Variants in CDH4 observed in about 807,000 individuals in gnomAD.
CDH4 encodes the protein cadherin 4.
In CDH4, 33 loss-of-function variants were observed where a neutral mutation model predicts 86.0. The observed-to-expected ratio is 0.38, with a 90% CI of 0.29 to 0.51. The LOEUF is 0.51. Ranked by LOEUF, CDH4 falls within the 20% of genes least tolerant of loss-of-function variation. The pLI is 0.86. For synonymous variants in CDH4, 555 were observed against 549.4 expected (o/e 1.01, Z -0.14); for missense variants, 1,114 against 1,307.4 (o/e 0.85, Z 2.28).
chr20:61,286,194 A>G (rs984571081), intron 2 of CDH4, among the ~76,000 whole-genome samples: 3 of 151,908 alleles, frequency 2.0e-5, no homozygotes, highest in Non-Finnish European at 4.4e-5. Flanking sequence ...TGCAACCCAG[A>G]CTCCCAGATC....
chr20:61,537,634 C>T (rs1238768787), intron 2 of CDH4, among the ~76,000 whole-genome samples: 2 of 152,212 alleles, frequency 1.3e-5, no homozygotes, highest in Non-Finnish European at 2.9e-5. Context: ...GCGGGCTTCG[C>T]GGACAGGCAC....
At chr20:61,694,315 T>A (rs1326034132) in intron 2 of CDH4, among the ~76,000 whole-genome samples, 3 of 152,116 alleles carry the variant, frequency 2.0e-5, no homozygotes, top group Non-Finnish European at 4.4e-5. Context: ...TTCTACTCCC[T>A]CCTTTACGGA....
intron 4 of CDH4, among the ~76,000 whole-genome samples, chr20:61,834,520 A>T (rs1359220205): frequency 6.6e-6 from 1 of 152,196 alleles, no homozygotes; most frequent in Non-Finnish European, 1.5e-5. Context: ...CTGTTAGAGG[A>T]AAGTAGACGC....
At position 61,743,647 on chromosome 20, in the gene CDH4, T is replaced by G; in HGVS notation, c.254T>G (p.Val85Gly). Residue 85 changes from valine (V) to glycine (G), a missense_variant, in exon 3 of 16, where the codon GTC becomes GGC. Physicochemically the swap from Val to Gly is moderately radical, Grantham distance 109 (BLOSUM62 -3). Coordinates refer to ENST00000614565, the MANE Select transcript of CDH4 (RefSeq NM_001794.5). ...TTCAAAGTTGGGGCAGATGGGACAG[T>G]CTTCGCCACCCGGGAGCTGCAGGTC... The part of the protein sequence containing the change: ...MDFKVGADGT[V>G]FATRELQVPS... 6.3e-7 allele frequency: 1 copy of G among 1,595,526 alleles called. No homozygotes were observed. The highest frequency in any genetic ancestry group is 1.1e-5 in the South Asian group (1 of 87,926).
chr20:61,424,363 T>C (rs1198559676), intron 2 of CDH4, among the ~76,000 whole-genome samples: 4 of 146,236 alleles, frequency 2.7e-5, no homozygotes, highest in African/African-American at 1.0e-4. Context: ...TCCACACACA[T>C]ATCCACAAAC....
At chr20:61,640,480 G>A (rs555384622) in intron 2 of CDH4, among the ~76,000 whole-genome samples, 1 of 152,206 alleles carries the variant, frequency 6.6e-6, no homozygotes, top group South Asian at 2.1e-4. Context: ...GGCCTATGAG[G>A]GGGCTGCTGC....
At position 61,421,867 on chromosome 20, in the gene CDH4, A is replaced by G. The variant is rs1237549923; in HGVS notation, c.169+166930A>G. On this transcript the variant is annotated intron_variant, in intron 2 of 15. Transcript: ENST00000614565. Reference sequence around the variant, plus strand: ...ATAGTATCGAGTTCTAACTCAACCCATGCTCATGGACTAAACCAAGCAGCT... The same window carrying G: ...ATAGTATCGAGTTCTAACTCAACCCGTGCTCATGGACTAAACCAAGCAGCT... Among the ~76,000 whole-genome samples, 3 of 152,172 alleles carry G rather than the reference A, an allele frequency of 2.0e-5. No homozygotes were observed. The East Asian group carries it at 5.8e-4, about 29-fold the overall frequency.
intron 2 of CDH4, among the ~76,000 whole-genome samples, chr20:61,716,459 A>G (rs576448368): frequency 6.6e-6 from 1 of 151,608 alleles, no homozygotes; most frequent in African/African-American, 2.4e-5. Context: ...GGCAGGACCC[A>G]GCAGGAGGAA....
chr20:61,525,497 G>A (rs1298936994), intron 2 of CDH4, among the ~76,000 whole-genome samples: 6 of 152,212 alleles, frequency 3.9e-5, no homozygotes, highest in South Asian at 4.1e-4. Context: ...AGCCATGGCC[G>A]TGAACCCAGG....
At chr20:61,868,976 G>A (rs1349022246) in intron 6 of CDH4, among the ~76,000 whole-genome samples, 1 of 152,048 alleles carries the variant, frequency 6.6e-6, no homozygotes, top group African/African-American at 2.4e-5. Context: ...GGCAAACGTG[G>A]CAGGCTGTGG....
At chr20:61,471,845 A>G (rs1255275313) in intron 2 of CDH4, among the ~76,000 whole-genome samples, 2 of 151,874 alleles carry the variant, frequency 1.3e-5, no homozygotes, top group Non-Finnish European at 2.9e-5. Flanking sequence ...ATTGATTTCT[A>G]GTTTTCCATT....
At chr20:61,298,054 G>A (rs949978682) in intron 2 of CDH4, among the ~76,000 whole-genome samples, 2 of 152,222 alleles carry the variant, frequency 1.3e-5, no homozygotes, top group African/African-American at 4.8e-5. Context: ...TGGCTATCAC[G>A]AGGTGGCCTT....
chr20:61,741,275 CA>C (rs2088329865), intron 2 of CDH4, among the ~76,000 whole-genome samples: 1 of 152,180 alleles, frequency 6.6e-6, no homozygotes, highest in African/African-American at 2.4e-5. Context: ...GTCCCCCGGG[CA>C]TCACTTCCCC....
chr20:61,521,909 A>G (rs1475902234), intron 2 of CDH4, among the ~76,000 whole-genome samples: 1 of 152,152 alleles, frequency 6.6e-6, no homozygotes, highest in East Asian at 1.9e-4. Flanking sequence ...ATTGCGGGCC[A>G]CCTTGCTGTG....
At chr20:61,566,276 A>G (rs2086297314) in intron 2 of CDH4, among the ~76,000 whole-genome samples, 1 of 152,204 alleles carries the variant, frequency 6.6e-6, no homozygotes, top group Non-Finnish European at 1.5e-5. Flanking sequence ...AGCAGATTGG[A>G]CCAAGTGTTT....
chr20:61,717,174 A>G (rs1330552708), intron 2 of CDH4, among the ~76,000 whole-genome samples: 2 of 152,220 alleles, frequency 1.3e-5, no homozygotes, highest in Admixed American at 6.5e-5. Context: ...CTCAACATGC[A>G]CCAAGTCCCC....
intron 2 of CDH4, among the ~76,000 whole-genome samples, chr20:61,653,601 G>T (rs1317578154): frequency 2.2e-5 from 3 of 136,670 alleles, no homozygotes; most frequent in Non-Finnish European, 5.0e-5. Context: ...GGTGGCTGCC[G>T]GGCAGAGACG....
intron 3 of CDH4, among the ~76,000 whole-genome samples, chr20:61,769,157 A>G (rs2088742146): frequency 6.6e-6 from 1 of 152,138 alleles, no homozygotes; most frequent in Non-Finnish European, 1.5e-5. Flanking sequence ...CACAAAAATA[A>G]TGCTCCACCA....
In CDH4 at chr20:61,923,676, C is replaced by G; in HGVS notation, c.1600C>G (p.Pro534Ala). Reference sequence around the variant, plus strand: ...GCTGACCACGTTTTCAGCTGTGGACCCTGACCGGTTCATGCAGCAGGCTGT... The same window carrying G: ...GCTGACCACGTTTTCAGCTGTGGACGCTGACCGGTTCATGCAGCAGGCTGT... ...TVLTTFSAVD[P>A]DRFMQQAVRY... The change falls in exon 10 of 16, where the codon CCT (proline) becomes GCT (alanine). Residue 534 changes from proline (P) to alanine (A), a missense_variant. Transcript: ENST00000614565. 1 of 1,613,884 alleles carries G rather than the reference C, an allele frequency of 6.2e-7. No homozygotes were observed. Among genetic ancestry groups the G allele is most frequent in the Non-Finnish European group, 8.5e-7 (1 of 1,180,044 alleles).
Sources: gnomAD v4.1 joint callset for allele counts (sites outside exome capture counted in the v4.1 genomes callset) on GRCh38, gnomAD v4.1.1 for gene constraint, MANE v1.5 for transcripts, NCBI Gene and HGNC (gene_info 2026-07-23, HGNC 2026-07-21) for gene names.